SORCS2: variants seen among roughly 807,000 people sequenced by gnomAD.
The protein encoded by SORCS2 is VPS10 domain-containing receptor SorCS2.
A neutral mutation model predicts 141.6 loss-of-function variants in SORCS2; 100 were observed. The ratio of observed to expected loss-of-function variants is 0.71; its 90% CI spans 0.60 to 0.83. The LOEUF (loss-of-function observed/expected upper bound fraction) is 0.83. SORCS2 is among the 40% of genes least tolerant of loss of function. The pLI is 0.00. For synonymous variants in SORCS2, 789 were observed against 676.9 expected, an observed-to-expected ratio of 1.17 and a Z score of -2.57; for missense variants, 1,646 against 1,560.2, an observed-to-expected ratio of 1.05 and a Z score of -0.93.
At chr4:7,516,012 G>T (rs1037032298) in intron 2 of SORCS2, among the ~76,000 whole-genome samples, 3 of 152,210 alleles carry the variant, frequency 2.0e-5, no homozygotes, top group Non-Finnish European at 1.5e-5. Flanking sequence ...TAGGGGCTGG[G>T]ACCTCAAGTG....
At chr4:7,528,100 C>T (rs1441778721) in intron 2 of SORCS2, among the ~76,000 whole-genome samples, 12 of 118,668 alleles carry the variant, frequency 1.0e-4, no homozygotes, top group African/African-American at 1.8e-4. Context: ...CCCATGATAG[C>T]AGGGCACAGT....
intron 3 of SORCS2, among the ~76,000 whole-genome samples, chr4:7,631,313 A>C (rs905671652): frequency 1.3e-5 from 2 of 149,968 alleles, no homozygotes; most frequent in Non-Finnish European, 3.0e-5. Context: ...CAGGTCAGGG[A>C]GGCAGGGAGG....
At position 7,531,604 on chromosome 4, in the gene SORCS2, A is replaced by G. The variant is rs761088837; in HGVS notation, c.623A>G (p.Tyr208Cys). The change falls in exon 3 of 27, where the codon TAC becomes TGC. Residue 208 changes from tyrosine (Y) to cysteine (C), a missense_variant. Coordinates refer to ENST00000507866, the MANE Select transcript of SORCS2 (RefSeq NM_020777.3). ...GTCACCACCGTCATCGACAATTTCTACATCTGCCCGACCAACAAGAGGAAG... is the reference window on the plus strand; with the variant it reads ...GTCACCACCGTCATCGACAATTTCTGCATCTGCCCGACCAACAAGAGGAAG... ...PGVTTVIDNF[Y>C]ICPTNKRKVI... The G allele has an allele frequency of 6.2e-7, 1 of 1,613,740 alleles. No individual in the cohort carries two copies.
At chr4:7,614,153 C>A (rs930640804) in intron 3 of SORCS2, among the ~76,000 whole-genome samples, 8 of 150,948 alleles carry the variant, frequency 5.3e-5, no homozygotes, top group African/African-American at 2.0e-4. Context: ...ATCCCTCTAC[C>A]CATCCACCCA....
intron 1 of SORCS2, among the ~76,000 whole-genome samples, chr4:7,340,236 G>C (rs1053257475): frequency 6.6e-6 from 1 of 152,260 alleles, no homozygotes; most frequent in African/African-American, 2.4e-5. Flanking sequence ...AGGCCTGTAC[G>C]ACCCTCACAC....
At chr4:7,204,239 T>G (rs1435610841) in intron 1 of SORCS2, among the ~76,000 whole-genome samples, 1 of 152,102 alleles carries the variant, frequency 6.6e-6, no homozygotes, top group Non-Finnish European at 1.5e-5. Context: ...TTCTTGAGAC[T>G]GGGTCTTGCT....
intron 2 of SORCS2, among the ~76,000 whole-genome samples, chr4:7,482,321 G>A (rs1331316501): frequency 3.0e-5 from 1 of 32,906 alleles, no homozygotes; most frequent in African/African-American, 1.5e-4. Flanking sequence ...ACCCCTGGCT[G>A]CTGTTCAGAC....
intron 1 of SORCS2, among the ~76,000 whole-genome samples, chr4:7,323,155 A>G (rs1431760617): frequency 1.3e-5 from 2 of 152,242 alleles, no homozygotes; most frequent in Non-Finnish European, 2.9e-5. Context: ...TAGGTAGCTT[A>G]CTTGTGTACT....
At chr4:7,198,602 G>C (rs1208832274) in intron 1 of SORCS2, among the ~76,000 whole-genome samples, 1 of 152,202 alleles carries the variant, frequency 6.6e-6, no homozygotes, top group Non-Finnish European at 1.5e-5. Context: ...GTGCATCTCT[G>C]TCGTGATAGC....
rs186001297 is a variant in SORCS2 at position 7,347,048 on chromosome 4, A to C, written c.481-49240A>C. The stretch of plus-strand genomic sequence containing the variant: ...TAAGGTCATATCTATGAATTATATT[A>C]ATAATGATTATTTAAAAAATTTAGT... On this transcript the variant is annotated intron_variant, in intron 1 of 26. Coordinates refer to ENST00000507866, the MANE Select transcript of SORCS2 (RefSeq NM_020777.3). 2.9e-4 allele frequency among the ~76,000 whole-genome samples: 44 copies of C among 152,340 alleles called. 1 individual carries two copies. In the East Asian group the frequency reaches 6.9e-3, roughly 24 times the overall value.
At chr4:7,717,206 C>T (rs1427309257) in intron 17 of SORCS2, among the ~76,000 whole-genome samples, 1 of 152,218 alleles carries the variant, frequency 6.6e-6, no homozygotes, top group African/African-American at 2.4e-5. Flanking sequence ...CAGACCCACC[C>T]TAGGGCCTTT....
At chr4:7,208,700 C>G (rs1203771085) in intron 1 of SORCS2, among the ~76,000 whole-genome samples, 1 of 152,160 alleles carries the variant, frequency 6.6e-6, no homozygotes, top group Non-Finnish European at 1.5e-5. Flanking sequence ...ATAGGGTCCC[C>G]CAAGTTTTTC....
intron 1 of SORCS2, among the ~76,000 whole-genome samples, chr4:7,292,292 G>A (rs936277600): frequency 1.3e-5 from 2 of 148,468 alleles, no homozygotes; most frequent in South Asian, 4.3e-4. Flanking sequence ...CCCACCATTC[G>A]CAGTCTGTTC....
At chr4:7,384,813 G>A (rs1723195419) in intron 1 of SORCS2, among the ~76,000 whole-genome samples, 2 of 152,244 alleles carry the variant, frequency 1.3e-5, no homozygotes, top group South Asian at 2.1e-4. Context: ...GCAGGCACGG[G>A]CACGTAGAAG....
rs1722306876 is a variant in SORCS2 at position 7,663,394 on chromosome 4, G to T, written c.953-959G>T. On this transcript the variant is annotated intron_variant, in intron 6 of 26. Transcript: ENST00000507866. This position sits in a 1 kb window ranked among gnomAD's most constrained non-coding sequence, Gnocchi z 4.8. ...GTTGACTGATCCTGCCCCTGAGCTA[G>T]TCATTTCACTGCATCTCCAGCCAGG... is the stretch of plus-strand genomic sequence containing the variant. Among the ~76,000 whole-genome samples, 1 of 152,236 alleles carries T rather than the reference G, an allele frequency of 6.6e-6. No individual in the cohort carries two copies. Among genetic ancestry groups the T allele is most frequent in the African/African-American group, 2.4e-5 (1 of 41,458 alleles).
rs189465727 is a variant in SORCS2, at chr4:7,446,186, G to C, written c.548+49831G>C. ...AAAGGAAGGAGGTAGGGAGGGGAGG[G>C]GAGGGGAGGGAAGAAAAGAACCTTA... On this transcript the variant is annotated intron_variant, in intron 2 of 26. Coordinates refer to ENST00000507866, the MANE Select transcript of SORCS2 (RefSeq NM_020777.3). Among the ~76,000 whole-genome samples, 241 of 152,134 alleles carry C rather than the reference G, an allele frequency of 1.6e-3. 5 individuals carry two copies. The East Asian group carries it at 0.034, about 22-fold the overall frequency.
intron 1 of SORCS2, among the ~76,000 whole-genome samples, chr4:7,363,369 A>G (rs1326365964): frequency 6.6e-5 from 10 of 151,960 alleles, no homozygotes; most frequent in South Asian, 6.2e-4. Context: ...TACTATCACC[A>G]CTATCACCAC....
intron 1 of SORCS2, among the ~76,000 whole-genome samples, chr4:7,197,400 T>G (rs1727234752): frequency 6.6e-6 from 1 of 151,994 alleles, no homozygotes; most frequent in South Asian, 2.1e-4. Context: ...ATCTCCTGAG[T>G]TTAGAAGTGG....
At chr4:7,712,183 G>A (rs936894968) in intron 14 of SORCS2, among the ~76,000 whole-genome samples, 3 of 152,234 alleles carry the variant, frequency 2.0e-5, no homozygotes, top group African/African-American at 7.2e-5. Context: ...TCTGCGCTGA[G>A]CCTGCTGACT....
Sources: gnomAD v4.1 joint callset for allele counts (sites outside exome capture counted in the v4.1 genomes callset) on GRCh38, gnomAD v4.1.1 for gene constraint, Gnocchi (gnomAD v3.1) non-coding constraint, MANE v1.5 for transcripts, NCBI Gene and HGNC (gene_info 2026-07-23, HGNC 2026-07-21) for gene names.